KLF13: variants seen among roughly 807,000 people sequenced by gnomAD.
KLF13 encodes the protein Krueppel-like factor 13.
A neutral mutation model predicts 16.7 loss-of-function variants in KLF13; 8 were observed. The observed-to-expected ratio is 0.48, with a 90% confidence interval of 0.28 to 0.87. KLF13 has a LOEUF of 0.87. Among genes scored for constraint, KLF13 ranks in the 40% least tolerant of loss-of-function variants. The pLI, the probability that KLF13 is intolerant of heterozygous loss-of-function variation, is 0.10. For missense variants in KLF13, 447 were observed against 452.2 expected (o/e 0.99, Z 0.10); for synonymous variants, 245 against 208.4 (o/e 1.18, Z -1.51).
intron 1 of KLF13, among the ~76,000 whole-genome samples, chr15:31,347,311 G>A (rs1317640905): frequency 1.3e-5 from 2 of 152,204 alleles, no homozygotes; most frequent in African/African-American, 4.8e-5. Context: ...CGTCCTTGGT[G>A]CTCGTGGTGG....
chr15:31,375,156 G>A lies in KLF13; in HGVS notation c.*2857G>A, dbSNP rs371177959. The A allele has an allele frequency of 1.3e-5, 2 of 152,504 alleles. No individual in the cohort carries two copies. Among genetic ancestry groups the A allele is most frequent in the East Asian group, 3.9e-4 (2 of 5,158 alleles). The allele number at this position is 152,504 out of a possible 1,614,324, so 9.4% of individuals were successfully genotyped here. A position where few individuals can be genotyped will look rare whatever the true frequency, so the allele number is the denominator to read the frequency against. ...GCCAGACCCTCCTGAATCATCTGCG[G>A]CTTAAACTCATCTCGCTTGAAGGGC... On this transcript the variant is annotated 3_prime_UTR_variant, in exon 2 of 2. Transcript: ENST00000307145.
chr15:31,408,811 A>G (rs2040158590), downstream of KLF13, among the ~76,000 whole-genome samples: 1 of 152,198 alleles, frequency 6.6e-6, no homozygotes, highest in Non-Finnish European at 1.5e-5. Flanking sequence ...TGGATAATTC[A>G]GCAGAGAGGT....
intron 1 of KLF13, among the ~76,000 whole-genome samples, chr15:31,331,800 TTGG>T: frequency 6.6e-6 from 1 of 152,198 alleles, no homozygotes; most frequent in Non-Finnish European, 1.5e-5. Context: ...TTACCCCGCG[TTGG>T]TGTTTTTCTT....
chr15:31,410,956 A>G (rs2040186880), intron 1 of KLF13, among the ~76,000 whole-genome samples: 2 of 152,240 alleles, frequency 1.3e-5, no homozygotes, highest in African/African-American at 2.4e-5. Flanking sequence ...CTTAAAAGAT[A>G]TGATCAAAAC....
intron 2 of KLF13, among the ~76,000 whole-genome samples, chr15:31,396,991 G>C (rs775307490): frequency 4.6e-5 from 7 of 152,026 alleles, no homozygotes; most frequent in Non-Finnish European, 1.0e-4. Flanking sequence ...GTCAGATCTC[G>C]TTCACTGTCT....
At chr15:31,346,087 G>T (rs1034100848) in intron 1 of KLF13, among the ~76,000 whole-genome samples, 1 of 151,964 alleles carries the variant, frequency 6.6e-6, no homozygotes, top group South Asian at 2.1e-4. Flanking sequence ...GATGCCCACG[G>T]CCCAGGCATA....
At chr15:31,431,402 T>G (rs1447747924) in intron 1 of KLF13, among the ~76,000 whole-genome samples, 2 of 152,198 alleles carry the variant, frequency 1.3e-5, no homozygotes, top group Non-Finnish European at 2.9e-5. Context: ...GACTAAAAAA[T>G]GTATATTCAT....
In KLF13 at chr15:31,373,347, CTGTAGCAAGAG is replaced by C. The variant is rs1042259501; in HGVS notation, c.*1049_*1059del. On this transcript the variant is annotated 3_prime_UTR_variant, in exon 2 of 2. Transcript: ENST00000307145. ...CGCACCATGCTTCACAGAGACCATT[CTGTAGCAAGAG>C]ACCGGAACATTGTGACTTGGACCTT... The C allele has an allele frequency of 6.6e-6, 1 of 152,280 alleles. No homozygotes were observed. Among genetic ancestry groups the C allele is most frequent in the African/African-American group, 2.4e-5 (1 of 41,478 alleles). 9.4% of individuals were successfully genotyped at this position (152,280 alleles called of 1,614,324 possible).
downstream of KLF13, among the ~76,000 whole-genome samples, chr15:31,378,956 G>T (rs533259254): frequency 5.9e-5 from 9 of 152,122 alleles, no homozygotes; most frequent in Non-Finnish European, 1.3e-4. Context: ...TTGACCTCAG[G>T]TGATCCACTG....
At chr15:31,395,890 G>C (rs1369657107) in intron 2 of KLF13, among the ~76,000 whole-genome samples, 1 of 152,176 alleles carries the variant, frequency 6.6e-6, no homozygotes, top group East Asian at 1.9e-4. Flanking sequence ...CTGAGATTCC[G>C]GCCCAAGAAG....
At chr15:31,417,165 C>G (rs2040264807) in intron 1 of KLF13, among the ~76,000 whole-genome samples, 1 of 152,138 alleles carries the variant, frequency 6.6e-6, no homozygotes, top group South Asian at 2.1e-4. Flanking sequence ...GACTTCCAAG[C>G]CTCCAGAACT....
intron 1 of KLF13, among the ~76,000 whole-genome samples, chr15:31,410,364 G>A (rs2040177594): frequency 2.6e-5 from 4 of 151,204 alleles, no homozygotes; most frequent in Admixed American, 2.6e-4. Flanking sequence ...AAGAAAACAG[G>A]TAGCAAGATG....
At chr15:31,340,384 C>T (rs971663280) in intron 1 of KLF13, among the ~76,000 whole-genome samples, 2 of 152,250 alleles carry the variant, frequency 1.3e-5, no homozygotes, top group Non-Finnish European at 2.9e-5. Flanking sequence ...CCTGGCCTTT[C>T]CAGGTTTCCC....
rs1019552994 is a variant in KLF13, at chr15:31,427,028, T to G, written n.118-8342T>G. Among the ~76,000 whole-genome samples, 8 of 152,232 alleles carry G rather than the reference T, an allele frequency of 5.3e-5. No homozygotes were observed. In the South Asian group the frequency reaches 1.7e-3, roughly 31 times the overall value. On this transcript the variant is annotated intron_variant and non_coding_transcript_variant, in intron 1 of 1. Coordinates refer to the KLF13 transcript ENST00000558225. ...GATTCTCAGGCCTTCAGCCTCGAAC[T>G]GAGATTTACATCATCAGCTTCCTAA...
At chr15:31,348,031 G>A (rs1411625306) in intron 1 of KLF13, among the ~76,000 whole-genome samples, 4 of 152,364 alleles carry the variant, frequency 2.6e-5, no homozygotes, top group South Asian at 2.1e-4. Context: ...CAGTGTGGAG[G>A]CTTCTTCCTG....
At chr15:31,365,853 G>A (rs1335160463) in intron 1 of KLF13, among the ~76,000 whole-genome samples, 1 of 152,136 alleles carries the variant, frequency 6.6e-6, no homozygotes, top group African/African-American at 2.4e-5. Context: ...GAGGCGGATT[G>A]GGGGCTCAGC....
At chr15:31,417,520 T>G (rs1269489853) in intron 1 of KLF13, among the ~76,000 whole-genome samples, 2 of 146,208 alleles carry the variant, frequency 1.4e-5, no homozygotes, top group African/African-American at 5.5e-5. Context: ...AAATAAATTA[T>G]CTAGTCTCTG....
At chr15:31,340,640 TC>T (rs1365303370) in intron 1 of KLF13, among the ~76,000 whole-genome samples, 2 of 152,228 alleles carry the variant, frequency 1.3e-5, no homozygotes, top group African/African-American at 4.8e-5. Context: ...ATGCCTGTAA[TC>T]CCAGCACTTT....
intron 1 of KLF13, among the ~76,000 whole-genome samples, chr15:31,338,037 T>G (rs1383645899): frequency 6.6e-6 from 1 of 152,218 alleles, no homozygotes; most frequent in Non-Finnish European, 1.5e-5. Flanking sequence ...ACTGTCAGGC[T>G]TTAGAGTCTT....
Sources: allele counts gnomAD v4.1 joint callset (sites outside exome capture counted in the v4.1 genomes callset), GRCh38; gene constraint gnomAD v4.1.1; transcripts MANE v1.5; gene names NCBI Gene and HGNC (gene_info 2026-07-23, HGNC 2026-07-21).